CAST: variants seen among roughly 807,000 people sequenced by gnomAD.
The protein encoded by CAST is calpastatin.
Under a neutral mutation model 119.6 loss-of-function variants are expected in CAST, and 76 were observed. That is an observed-to-expected ratio of 0.64 (90% CI 0.53 to 0.77). CAST has a LOEUF of 0.77. Among genes scored for constraint, CAST ranks in the 30% least tolerant of loss-of-function variants. The probability of loss-of-function intolerance (pLI) is 0.00; values close to 1 mark genes in which losing one functional copy is unlikely to be tolerated. For synonymous variants in CAST, 319 were observed against 331.6 expected, an observed-to-expected ratio of 0.96 and a Z score of 0.41; for missense variants, 953 against 946.5, an observed-to-expected ratio of 1.01 and a Z score of -0.09.
At chr5:96,427,701 T>C in the CAST span, among the ~76,000 whole-genome samples, 2 of 152,210 alleles carry the variant, frequency 1.3e-5, no homozygotes, top group African/African-American at 2.4e-5. Flanking sequence ...TGCTCTATTC[T>C]GTCCAATTTT....
the CAST span, among the ~76,000 whole-genome samples, chr5:96,435,743 G>A: frequency 6.6e-6 from 1 of 152,274 alleles, no homozygotes; most frequent in East Asian, 1.9e-4. Flanking sequence ...TGCCTTTCAT[G>A]ATGCTCACAA....
chr5:95,970,686 G>T, the CAST span, among the ~76,000 whole-genome samples: 1 of 152,184 alleles, frequency 6.6e-6, no homozygotes, highest in Non-Finnish European at 1.5e-5. Flanking sequence ...CTTTAATGAT[G>T]ACTAATGAAT....
intron 1 of CAST, among the ~76,000 whole-genome samples, chr5:96,598,336 C>G (rs1747089481): frequency 6.6e-6 from 1 of 152,160 alleles, no homozygotes; most frequent in African/African-American, 2.4e-5. Context: ...CCAAGTCTGC[C>G]CAAAGGCCAG....
the CAST span, among the ~76,000 whole-genome samples, chr5:96,044,829 T>G: frequency 2.6e-5 from 4 of 152,196 alleles, no homozygotes; most frequent in African/African-American, 9.7e-5. Flanking sequence ...AATGAATGAC[T>G]GTTGTGTGCT....
chr5:96,408,129 T>G, the CAST span: 1 of 860,766 alleles, frequency 1.2e-6, no homozygotes, highest in Non-Finnish European at 1.9e-6. Context: ...ATTCCAAAAT[T>G]TCTCCTGTAA....
chr5:96,540,596 A>G (rs1198589803), intron 1 of CAST, among the ~76,000 whole-genome samples: 1 of 152,204 alleles, frequency 6.6e-6, no homozygotes. Flanking sequence ...TTGATACACT[A>G]TTATTAATTA....
At chr5:96,260,621 C>G in the CAST span, among the ~76,000 whole-genome samples, 408 of 152,262 alleles carry the variant, frequency 2.7e-3, 4 homozygotes, top group African/African-American at 9.2e-3. Flanking sequence ...CACAACCACA[C>G]CCTGTGGCCC....
At chr5:96,763,963 C>CAA (rs35420188) in intron 25 of CAST, among the ~76,000 whole-genome samples, 80 of 146,052 alleles carry the variant, frequency 5.5e-4, no homozygotes, top group African/African-American at 6.5e-4. Context: ...CTTTTTACCT[C>CAA]AAAAAAAAAA....
chr5:96,186,799 C>A, the CAST span, among the ~76,000 whole-genome samples: 1 of 152,008 alleles, frequency 6.6e-6, no homozygotes, highest in African/African-American at 2.4e-5. Flanking sequence ...AGGATATTCG[C>A]CTGAAGCTTT....
chr5:96,497,470 C>A, the CAST span, among the ~76,000 whole-genome samples: 2 of 151,958 alleles, frequency 1.3e-5, no homozygotes, highest in South Asian at 2.1e-4. Context: ...AGTTTACAGT[C>A]CCACCAACAG....
intron 9 of CAST, among the ~76,000 whole-genome samples, chr5:96,731,473 G>GT (rs201905440): frequency 0.036 from 4,001 of 112,692 alleles, 145 homozygotes; most frequent in African/African-American, 0.095. Context: ...ATCCTTTAAG[G>GT]TTTTTTTTTT....
chr5:96,255,101 TGGAGCGGATGGG>T, the CAST span, among the ~76,000 whole-genome samples: 1 of 152,026 alleles, frequency 6.6e-6, no homozygotes. Context: ...ACTCATATTC[TGGAGCGGATGGG>T]GGTTGGCAGG....
the CAST span, among the ~76,000 whole-genome samples, chr5:96,139,240 C>T: frequency 1.3e-5 from 2 of 151,696 alleles, no homozygotes; most frequent in Non-Finnish European, 2.9e-5. Context: ...TAAGATCTTC[C>T]TATATAAAGT....
chr5:96,482,565 G>A, the CAST span, among the ~76,000 whole-genome samples: 1 of 151,658 alleles, frequency 6.6e-6, no homozygotes, highest in African/African-American at 2.4e-5. Flanking sequence ...ATAACCCCCA[G>A]AATTCTATGC....
At chr5:96,487,110 T>C in the CAST span, among the ~76,000 whole-genome samples, 1 of 151,354 alleles carries the variant, frequency 6.6e-6, no homozygotes, top group Non-Finnish European at 1.5e-5. Context: ...CTGTAATCTG[T>C]AGTAGGGGTC....
the CAST span, among the ~76,000 whole-genome samples, chr5:96,043,173 A>G: frequency 1.3e-5 from 2 of 152,218 alleles, no homozygotes; most frequent in East Asian, 3.8e-4. Context: ...ATGTATCATG[A>G]TATCCTTTAC....
At chr5:96,762,956 CTT>C (rs112148349) in intron 25 of CAST, 3 of 566,048 alleles carry the variant, frequency 5.3e-6, no homozygotes, top group African/African-American at 3.8e-5. Context: ...GGGACCAAAG[CTT>C]TTCCAGACTT....
chr5:96,313,775 C>T, the CAST span, among the ~76,000 whole-genome samples: 1 of 152,126 alleles, frequency 6.6e-6, no homozygotes, highest in Admixed American at 6.6e-5. Flanking sequence ...CAGCATTTGG[C>T]ACTGTCAGAT....
the CAST span, among the ~76,000 whole-genome samples, chr5:96,423,982 A>G: frequency 4.5e-4 from 68 of 152,292 alleles, no homozygotes; most frequent in Admixed American, 2.4e-3. Context: ...GTGATTGCCT[A>G]TTTTTAAGTA....
Sources: allele counts gnomAD v4.1 joint callset (sites outside exome capture counted in the v4.1 genomes callset), GRCh38; gene constraint gnomAD v4.1.1; transcripts MANE v1.5; gene names NCBI Gene and HGNC (gene_info 2026-07-23, HGNC 2026-07-21).